PDE6H: variants seen among roughly 807,000 people sequenced by gnomAD.
The protein encoded by PDE6H is retinal cone rhodopsin-sensitive cGMP 3',5'-cyclic phosphodiesterase subunit gamma.
In PDE6H, 11 loss-of-function variants were observed where a neutral mutation model predicts 9.2. The observed-to-expected ratio is 1.19, with a 90% CI of 0.75 to 1.97. The LOEUF (loss-of-function observed/expected upper bound fraction) is 1.97, where lower values mean the gene tolerates loss of function less well. Among genes scored for constraint, PDE6H ranks in the 30% most tolerant of loss-of-function variants. PDE6H has a pLI of 0.00. For missense variants in PDE6H, 98 were observed against 101.5 expected (o/e 0.97, Z 0.15); for synonymous variants, 36 against 33.6 (o/e 1.07, Z -0.25).
intron 1 of PDE6H, among the ~76,000 whole-genome samples, chr12:14,975,812 G>GTTT (rs369211334): frequency 8.3e-6 from 1 of 120,142 alleles, no homozygotes; most frequent in African/African-American, 3.4e-5. Context: ...AATTTCTTTT[G>GTTT]TTTTTTTTTT....
intron 1 of PDE6H, among the ~76,000 whole-genome samples, chr12:14,974,755 C>A (rs1456804403): frequency 6.6e-6 from 1 of 152,100 alleles, no homozygotes; most frequent in African/African-American, 2.4e-5. Context: ...AGAGAATTAC[C>A]CAGCGAGGGC....
chr12:14,979,229 C>A lies in PDE6H; in HGVS notation c.175+10C>A. The A allele has an allele frequency of 1.9e-6, 3 of 1,595,054 alleles. No homozygotes were observed. The highest frequency in any genetic ancestry group is 2.2e-5 in the South Asian group (2 of 90,596). ...GAGGGGCTAGGAACAGGTAAGCCAT[C>A]CACTGATTTAAGTGAGAACTTCGCA... On this transcript the variant is annotated intron_variant, in intron 3 of 3. Transcript: ENST00000266395.
chr12:14,977,176 T>C (rs76260984), intron 1 of PDE6H, among the ~76,000 whole-genome samples: 2,102 of 152,304 alleles, frequency 0.014, 49 homozygotes, highest in African/African-American at 0.047. Flanking sequence ...TGCGTGTGTA[T>C]TAAGATGTGT....
In PDE6H at chr12:14,981,384, C is replaced by T; in HGVS notation, c.176-16C>T. 6.3e-7 allele frequency: 1 copy of T among 1,579,478 alleles called. No individual in the cohort carries two copies. Among genetic ancestry groups the T allele is most frequent in the Non-Finnish European group, 8.7e-7 (1 of 1,148,526 alleles). On this transcript the variant is annotated splice_polypyrimidine_tract_variant and intron_variant, in intron 3 of 3. Coordinates refer to ENST00000266395, the MANE Select transcript of PDE6H (RefSeq NM_006205.3). Reference sequence around the variant, plus strand: ...GGGTGAGGTTGGCTTACGTGCTCTTCTTCCATCTCTTGCAGATATCACAGT... The same window carrying T: ...GGGTGAGGTTGGCTTACGTGCTCTTTTTCCATCTCTTGCAGATATCACAGT...
rs201165493 is a variant in PDE6H at position 14,979,241 on chromosome 12, G to A, written c.175+22G>A. 1.7e-4 allele frequency: 262 copies of A among 1,577,552 alleles called. 1 individual carries two copies. The highest frequency in any genetic ancestry group is 1.9e-4 in the Non-Finnish European group (214 of 1,146,896). ...ACAGGTAAGCCATCCACTGATTTAAGTGAGAACTTCGCACTTGGAGTTCTG... is the reference window on the plus strand; with the variant it reads ...ACAGGTAAGCCATCCACTGATTTAAATGAGAACTTCGCACTTGGAGTTCTG... On this transcript the variant is annotated intron_variant, in intron 3 of 3. Coordinates refer to ENST00000266395, the MANE Select transcript of PDE6H (RefSeq NM_006205.3).
intron 3 of PDE6H, among the ~76,000 whole-genome samples, chr12:14,980,006 T>C (rs76162218): frequency 6.6e-6 from 1 of 152,054 alleles, no homozygotes; most frequent in Non-Finnish European, 1.5e-5. Context: ...TGAATTAGAG[T>C]TTTTATCCCT....
chr12:14,974,678 G>C (rs1864566237), intron 1 of PDE6H, among the ~76,000 whole-genome samples: 1 of 152,196 alleles, frequency 6.6e-6, no homozygotes, highest in South Asian at 2.1e-4. Context: ...AGGAATTCAA[G>C]GAAAGCTTCT....
intron 1 of PDE6H, among the ~76,000 whole-genome samples, chr12:14,976,788 A>G (rs1319955021): frequency 1.3e-5 from 2 of 152,228 alleles, no homozygotes; most frequent in East Asian, 3.8e-4. Flanking sequence ...ACTAGTTTTT[A>G]TAGAGGAGAC....
At chr12:14,978,332 C>G (rs1342832662) in intron 2 of PDE6H, among the ~76,000 whole-genome samples, 186 bp downstream of exon 2, 1 of 152,204 alleles carries the variant, frequency 6.6e-6, no homozygotes. Flanking sequence ...CTTTCCTTCT[C>G]AACTTCCAGG....
intron 3 of PDE6H, among the ~76,000 whole-genome samples, chr12:14,980,320 T>C (rs2120832448): frequency 6.6e-6 from 1 of 152,362 alleles, no homozygotes; most frequent in Middle Eastern, 3.4e-3. Flanking sequence ...AGCTCATTTT[T>C]TAAAATCACG....
intron 3 of PDE6H, among the ~76,000 whole-genome samples, chr12:14,980,843 TA>T (rs1482365362): frequency 6.6e-6 from 1 of 152,240 alleles, no homozygotes. Context: ...AGCTTCTTTG[TA>T]ACTCAGGGAT....
intron 1 of PDE6H, among the ~76,000 whole-genome samples, chr12:14,976,216 G>C (rs1031932059): frequency 5.9e-5 from 9 of 152,142 alleles, no homozygotes; most frequent in African/African-American, 1.9e-4. Context: ...TTCTGAGACT[G>C]GAAGGACAGC....
At chr12:14,978,562 C>G (rs1480085969) in intron 2 of PDE6H, among the ~76,000 whole-genome samples, 1 of 152,122 alleles carries the variant, frequency 6.6e-6, no homozygotes, top group African/African-American at 2.4e-5. Flanking sequence ...TGGCAAAATC[C>G]TATTGATTTT....
intron 2 of PDE6H, among the ~76,000 whole-genome samples, chr12:14,978,347 T>C (rs1158778185): frequency 6.6e-6 from 1 of 152,240 alleles, no homozygotes; most frequent in Admixed American, 6.5e-5. Context: ...TCCAGGTCTG[T>C]GGCCGAATTT....
chr12:14,975,407 A>C (rs1412581112), intron 1 of PDE6H, among the ~76,000 whole-genome samples: 2 of 151,640 alleles, frequency 1.3e-5, no homozygotes, highest in African/African-American at 4.8e-5. Context: ...TTCTAACCCT[A>C]ATAGATTCTT....
intron 1 of PDE6H, among the ~76,000 whole-genome samples, chr12:14,973,494 G>C (rs760745854): frequency 3.9e-5 from 6 of 152,090 alleles, no homozygotes; most frequent in Non-Finnish European, 5.9e-5. Context: ...TGAGTGTGAG[G>C]AAAAGGAGAA....
At chr12:14,976,497 G>A (rs1426183065) in intron 1 of PDE6H, among the ~76,000 whole-genome samples, 2 of 152,086 alleles carry the variant, frequency 1.3e-5, no homozygotes, top group African/African-American at 2.4e-5. Context: ...TTGTTAGCAC[G>A]AGCCAAAGAC....
In PDE6H at chr12:14,975,671, G is replaced by A. The variant is rs369083597; in HGVS notation, c.-41-2301G>A. On this transcript the variant is annotated intron_variant, in intron 1 of 3. Transcript: ENST00000266395. ...CGGGGGTAGAGAGGGCCCACAGAAC[G>A]GGAACTGAATTTAGTGAGCAGAGGA... 1.6e-4 allele frequency among the ~76,000 whole-genome samples: 24 copies of A among 152,164 alleles called. No individual in the cohort carries two copies. The East Asian group carries it at 4.3e-3, about 27-fold the overall frequency.
rs140213362 is a variant in PDE6H at position 14,978,038 on chromosome 12, C to T, written c.26C>T (p.Ala9Val). Residue 9 changes from alanine to valine, a missense_variant, in exon 2 of 4, where the codon GCT (alanine) becomes GTT (valine). Coordinates refer to ENST00000266395, the MANE Select transcript of PDE6H (RefSeq NM_006205.3). ...ATGAGTGACAACACTACTCTGCCTG[C>T]TCCAGCTTCAAACCAGGGTCCTACC... Reference protein sequence around the residue: MSDNTTLPAPASNQGPTTP... With the variant: MSDNTTLPVPASNQGPTTP... The T allele has an allele frequency of 3.1e-6, 5 of 1,613,560 alleles. No homozygotes were observed. The highest frequency in any genetic ancestry group is 3.4e-6 in the Non-Finnish European group (4 of 1,179,976).
Sources: allele counts gnomAD v4.1 joint callset (sites outside exome capture counted in the v4.1 genomes callset), GRCh38; gene constraint gnomAD v4.1.1; transcripts MANE v1.5; gene names NCBI Gene and HGNC (gene_info 2026-07-23, HGNC 2026-07-21).